The following PRRT4 variants were observed in gnomAD, a reference collection of about 807,000 sequenced individuals.
PRRT4 encodes the protein proline-rich transmembrane protein 4.
Under a neutral mutation model 55.6 loss-of-function variants are expected in PRRT4, and 59 were observed. The observed-to-expected ratio is 1.06, with a 90% CI of 0.86 to 1.32. The LOEUF is 1.32. PRRT4 is among the 40% of genes most tolerant of loss of function. The probability of loss-of-function intolerance (pLI) is 0.00; values close to 1 mark genes in which losing one functional copy is unlikely to be tolerated. For missense variants in PRRT4, 1,217 were observed against 1,222.0 expected, an observed-to-expected ratio of 1.00 and a Z score of 0.06; for synonymous variants, 606 against 601.8, an observed-to-expected ratio of 1.01 and a Z score of -0.10.
At chr7:128,354,568 AAAAC>A (rs57215382) in intron 4 of PRRT4, among the ~76,000 whole-genome samples, 5,135 of 120,916 alleles carry the variant, frequency 0.042, 227 homozygotes, top group African/African-American at 0.11. Flanking sequence ...TGGCTCAAAA[AAAAC>A]ACACACACAC....
exon 5 of PRRT4, chr7:128,351,717 G>A: frequency 6.7e-7 from 1 of 1,484,490 alleles, no homozygotes; most frequent in Non-Finnish European, 8.9e-7. Flanking sequence ...GCGCCAACGG[G>A]AGCGCGACGC....
intron 4 of PRRT4, among the ~76,000 whole-genome samples, chr7:128,354,726 A>G (rs1797078111): frequency 6.6e-6 from 1 of 152,200 alleles, no homozygotes; most frequent in Non-Finnish European, 1.5e-5. Context: ...GGGAAGATGG[A>G]ATTGGACAAC....
chr7:128,350,817 G>A (rs1322299395), downstream of PRRT4: 3 of 1,542,336 alleles, frequency 1.9e-6, no homozygotes, highest in African/African-American at 1.4e-5. Context: ...GCAGGCGCCA[G>A]AAAGGGGCAT....
intron 4 of PRRT4, among the ~76,000 whole-genome samples, chr7:128,355,327 A>C (rs1290105795): frequency 6.6e-6 from 1 of 152,102 alleles, no homozygotes; most frequent in African/African-American, 2.4e-5. Context: ...CCTCCCAAGT[A>C]GCTGGGATTA....
chr7:128,355,485 C>T lies in PRRT4; in HGVS notation c.878-2807G>A, dbSNP rs191639493. Among the ~76,000 whole-genome samples, 56 of 152,294 alleles carry T rather than the reference C, an allele frequency of 3.7e-4. No homozygotes were observed. In the East Asian group the frequency reaches 8.5e-3, roughly 23 times the overall value. On this transcript the variant is annotated intron_variant, in intron 4 of 4. Transcript: ENST00000535159. ...TGCTGGGATTACAGGCGTGAGCCACCGCGCCCGGCCAAATAATACTTTTCT... is the reference window on the plus strand; with the variant it reads ...TGCTGGGATTACAGGCGTGAGCCACTGCGCCCGGCCAAATAATACTTTTCT...
intron 4 of PRRT4, among the ~76,000 whole-genome samples, chr7:128,353,771 G>A (rs1448502923): frequency 6.6e-6 from 1 of 152,192 alleles, no homozygotes; most frequent in Non-Finnish European, 1.5e-5. Context: ...GGGATAAAAT[G>A]CCATCTAAGT....
At chr7:128,359,754 C>T in exon 2 of PRRT4, 1 of 1,550,418 alleles carries the variant, frequency 6.4e-7, no homozygotes, top group African/African-American at 1.4e-5. Flanking sequence ...TGGCCTGGCC[C>T]AAGAGAGAGT....
At chr7:128,360,124 T>C in intron 1 of PRRT4, 61 bp from the exon 3 acceptor site, 1 of 688,806 alleles carries the variant, frequency 1.5e-6, no homozygotes, top group Non-Finnish European at 2.0e-6. Context: ...TTTCCCAGGA[T>C]CGGATGTCCC....
In PRRT4 at chr7:128,357,910, G is replaced by A. The variant is rs184283263; in HGVS notation, c.877+771C>T. 2.5e-3 allele frequency among the ~76,000 whole-genome samples: 388 copies of A among 152,332 alleles called. 1 individual carries two copies. Among genetic ancestry groups the A allele is most frequent in the Non-Finnish European group, 4.4e-3 (296 of 68,022 alleles). On this transcript the variant is annotated intron_variant, in intron 4 of 4. Transcript: ENST00000535159. ...TGAGGTTTCTGAGAGGTAGGGTCTG[G>A]AAGTGGATTTGGGATGCAGTGGGGG... is the stretch of plus-strand genomic sequence containing the variant.
chr7:128,361,101 T>TCA (rs1318199009), intron 1 of PRRT4, among the ~76,000 whole-genome samples: 4,141 of 117,964 alleles, frequency 0.035, 84 homozygotes, highest in Non-Finnish European at 0.047. Flanking sequence ...TCTCTCTCTC[T>TCA]CTCACACACA....
intron 1 of PRRT4, 50 bp from the exon 3 acceptor site, chr7:128,360,113 C>G (rs1797213154): frequency 5.1e-6 from 4 of 780,172 alleles, no homozygotes; most frequent in Non-Finnish European, 7.0e-6. Flanking sequence ...CCCCTCTTCC[C>G]TTTCCCAGGA....
exon 5 of PRRT4, chr7:128,352,213 A>G: frequency 2.6e-6 from 4 of 1,527,864 alleles, no homozygotes; most frequent in Non-Finnish European, 3.5e-6. Context: ...GGCCAGCCCC[A>G]GGCCGGCAGC....
intron 4 of PRRT4, among the ~76,000 whole-genome samples, chr7:128,353,241 G>T (rs1358009545): frequency 2.6e-5 from 4 of 152,158 alleles, no homozygotes; most frequent in Admixed American, 2.6e-4. Flanking sequence ...AATGGGCAGA[G>T]CTGCACCTAG....
exon 2 of PRRT4, chr7:128,360,030 C>A (rs1187686991): frequency 1.0e-5 from 13 of 1,298,806 alleles, no homozygotes; most frequent in Non-Finnish European, 1.2e-5. Context: ...TGGGCAGGGA[C>A]TCAGTTGTTC....
exon 5 of PRRT4, chr7:128,351,696 G>A: frequency 6.6e-7 from 1 of 1,505,468 alleles, no homozygotes; most frequent in Non-Finnish European, 8.8e-7. Context: ...GCGCCGGGTA[G>A]AGGCCCAGCA....
chr7:128,359,225 G>A, exon 3 of PRRT4: 1 of 1,551,762 alleles, frequency 6.4e-7, no homozygotes, highest in Non-Finnish European at 8.7e-7. Flanking sequence ...AGAAGTTCCG[G>A]AGTGGGGACA....
chr7:128,353,722 T>C (rs887829925), intron 4 of PRRT4, among the ~76,000 whole-genome samples: 2 of 152,138 alleles, frequency 1.3e-5, no homozygotes, highest in Non-Finnish European at 2.9e-5. Flanking sequence ...AAGGTGCCCT[T>C]AGGAACTCCC....
chr7:128,359,080 T>C (rs1287702818), intron 3 of PRRT4, 69 bp downstream of exon 4: 1 of 1,470,440 alleles, frequency 6.8e-7, no homozygotes, highest in African/African-American at 1.4e-5. Flanking sequence ...AGGTACTTGT[T>C]AGGCTCCTAG....
exon 5 of PRRT4, chr7:128,352,596 C>A (rs1278949622): frequency 6.5e-7 from 1 of 1,543,776 alleles, no homozygotes; most frequent in East Asian, 2.4e-5. Flanking sequence ...AGGACCCTGG[C>A]CCACACTCTG....
Sources: allele counts gnomAD v4.1 joint callset (sites outside exome capture counted in the v4.1 genomes callset), GRCh38; gene constraint gnomAD v4.1.1; transcripts MANE v1.5; gene names NCBI Gene and HGNC (gene_info 2026-07-23, HGNC 2026-07-21).